CELF2: variants seen among roughly 807,000 people sequenced by gnomAD.
The protein encoded by CELF2 is CUG triplet repeat RNA-binding protein 2.
CELF2 carries 8 observed loss-of-function variants against 62.6 expected under a neutral mutation model. The observed-to-expected ratio is 0.13, with a 90% CI of 0.07 to 0.23. The LOEUF (loss-of-function observed/expected upper bound fraction) is 0.23, where lower values mean the gene tolerates loss of function less well. CELF2 is among the 10% of genes least tolerant of loss of function. The pLI is 1.00. For synonymous variants in CELF2, 258 were observed against 250.0 expected, an observed-to-expected ratio of 1.03 and a Z score of -0.30; for missense variants, 333 against 671.0, an observed-to-expected ratio of 0.50 and a Z score of 5.56.
At chr10:11,023,496 C>T (rs771997417) in intron 1 of CELF2, among the ~76,000 whole-genome samples, 4 of 152,160 alleles carry the variant, frequency 2.6e-5, no homozygotes, top group Admixed American at 6.5e-5. Flanking sequence ...GTATCATCAC[C>T]GTGTAATTGT....
the CELF2 span, among the ~76,000 whole-genome samples, chr10:10,791,155 T>C: frequency 6.6e-6 from 1 of 152,156 alleles, no homozygotes; most frequent in East Asian, 1.9e-4. Context: ...GTCTCAATTG[T>C]TTAGTGATCT....
intron 1 of CELF2, among the ~76,000 whole-genome samples, chr10:10,912,392 T>C (rs1017312364): frequency 6.6e-6 from 1 of 152,206 alleles, no homozygotes. Flanking sequence ...CAATGGGACT[T>C]ACTTTTTTTT....
At chr10:10,597,478 A>C in the CELF2 span, among the ~76,000 whole-genome samples, 2 of 152,246 alleles carry the variant, frequency 1.3e-5, no homozygotes, top group Non-Finnish European at 2.9e-5. Flanking sequence ...TAACAATGAC[A>C]AGCCACACTT....
the CELF2 span, among the ~76,000 whole-genome samples, chr10:10,642,940 C>T: frequency 1.3e-5 from 2 of 152,246 alleles, no homozygotes; most frequent in African/African-American, 4.8e-5. Flanking sequence ...CAGCCAGCCT[C>T]TTCTCAGAGA....
chr10:10,659,285 CT>C, the CELF2 span, among the ~76,000 whole-genome samples: 2 of 152,172 alleles, frequency 1.3e-5, no homozygotes, highest in Admixed American at 6.5e-5. Context: ...AGAGAATCTT[CT>C]TCCAGTAAGA....
the CELF2 span, among the ~76,000 whole-genome samples, chr10:10,523,267 T>C: frequency 6.6e-6 from 1 of 152,230 alleles, no homozygotes; most frequent in Non-Finnish European, 1.5e-5. Flanking sequence ...GGTTATGAGT[T>C]TCTTTAGCAA....
intron 3 of CELF2, among the ~76,000 whole-genome samples, chr10:11,219,675 C>T (rs774216823): frequency 1.2e-4 from 19 of 152,234 alleles, no homozygotes; most frequent in South Asian, 2.1e-4. Context: ...GTCCAGTACA[C>T]ATTACCCTTA....
the CELF2 span, among the ~76,000 whole-genome samples, chr10:10,695,223 A>C: frequency 2.1e-5 from 3 of 145,916 alleles, no homozygotes; most frequent in South Asian, 4.9e-4. Flanking sequence ...ATCTCTCAGC[A>C]TTTGCTTGTC....
intron 4 of CELF2, among the ~76,000 whole-genome samples, chr10:11,252,569 G>A (rs756463018): frequency 1.1e-4 from 17 of 152,198 alleles, no homozygotes; most frequent in Non-Finnish European, 2.1e-4. Context: ...GAACCTCTGG[G>A]GTGAGCCCCG....
chr10:11,068,624 G>A (rs2068809680), intron 1 of CELF2, among the ~76,000 whole-genome samples: 1 of 151,540 alleles, frequency 6.6e-6, no homozygotes, highest in South Asian at 2.1e-4. Flanking sequence ...GCAGTGGCCC[G>A]ATCTTGGCTC....
Position 11,305,985 on chromosome 10 carries a change from C to T in CELF2, c.977-8154C>T, listed in dbSNP as rs558166558. 6.6e-6 allele frequency among the ~76,000 whole-genome samples: 1 copy of T among 152,322 alleles called. No homozygotes were observed. The highest frequency in any genetic ancestry group is 1.5e-5 in the Non-Finnish European group (1 of 68,034). On this transcript the variant is annotated intron_variant, in intron 9 of 12. Coordinates refer to ENST00000633077, the MANE Select transcript of CELF2 (RefSeq NM_001326342.2). The surrounding 1 kb of genome is among the most constrained non-coding windows in gnomAD (Gnocchi z 4.8). ...TTGTCTGCACATGAGCTGATAAAACCATGGCCATCCTTGCCTGCTCAACCA... is the reference window on the plus strand; with the variant it reads ...TTGTCTGCACATGAGCTGATAAAACTATGGCCATCCTTGCCTGCTCAACCA...
chr10:10,540,768 G>A, the CELF2 span, among the ~76,000 whole-genome samples: 1 of 152,178 alleles, frequency 6.6e-6, no homozygotes, highest in Non-Finnish European at 1.5e-5. Flanking sequence ...CGTGTCCACT[G>A]TGAACATTCC....
the CELF2 span, among the ~76,000 whole-genome samples, chr10:10,653,640 G>T: frequency 1.4e-5 from 2 of 140,662 alleles, no homozygotes; most frequent in African/African-American, 5.3e-5. Context: ...CGAAATGAAG[G>T]CAGAAATAAA....
At chr10:10,675,136 A>G in the CELF2 span, among the ~76,000 whole-genome samples, 2 of 152,232 alleles carry the variant, frequency 1.3e-5, no homozygotes, top group Admixed American at 1.3e-4. Context: ...ATTTCTCTCT[A>G]AAGTAGTTCT....
chr10:11,063,384 C>G (rs2067290500), intron 1 of CELF2, among the ~76,000 whole-genome samples: 1 of 152,176 alleles, frequency 6.6e-6, no homozygotes, highest in African/African-American at 2.4e-5. Context: ...ACATTCATGA[C>G]TTATCTATAA....
At chr10:10,571,248 T>C in the CELF2 span, among the ~76,000 whole-genome samples, 1 of 152,144 alleles carries the variant, frequency 6.6e-6, no homozygotes, top group East Asian at 1.9e-4. Context: ...ATTAGAGCAT[T>C]TACCATCCAC....
At chr10:11,187,780 G>C (rs1447549101) in intron 2 of CELF2, among the ~76,000 whole-genome samples, 1 of 110,654 alleles carries the variant, frequency 9.0e-6, no homozygotes, top group East Asian at 6.1e-4. Context: ...CAGACTTTAT[G>C]CTGTTGCTGT....
the CELF2 span, among the ~76,000 whole-genome samples, chr10:10,550,982 G>A: frequency 6.6e-6 from 1 of 152,202 alleles, no homozygotes; most frequent in African/African-American, 2.4e-5. Context: ...ACAGGCATGA[G>A]CCACCACGCC....
chr10:10,967,159 A>G (rs1423708894), intron 2 of CELF2, among the ~76,000 whole-genome samples: 1 of 152,192 alleles, frequency 6.6e-6, no homozygotes, highest in East Asian at 1.9e-4. Context: ...AATGACCTAC[A>G]GAACGTGGGA....
Sources: allele counts gnomAD v4.1 joint callset (sites outside exome capture counted in the v4.1 genomes callset), GRCh38; gene constraint gnomAD v4.1.1; non-coding constraint Gnocchi (gnomAD v3.1); transcripts MANE v1.5; gene names NCBI Gene and HGNC (gene_info 2026-07-23, HGNC 2026-07-21).